CDH20: variants seen among roughly 807,000 people sequenced by gnomAD.
CDH20 encodes cadherin 20, also known as cadherin-20.
In CDH20, 29 loss-of-function variants were observed where a neutral mutation model predicts 74.2. That is an observed-to-expected ratio of 0.39 (90% CI 0.29 to 0.53). CDH20 has a LOEUF of 0.53. CDH20 is among the 20% of genes least tolerant of loss of function. The pLI, the probability that CDH20 is intolerant of heterozygous loss-of-function variation, is 0.69. For synonymous variants in CDH20, 469 were observed against 405.4 expected, an observed-to-expected ratio of 1.16 and a Z score of -1.88; for missense variants, 988 against 1,048.3, an observed-to-expected ratio of 0.94 and a Z score of 0.79.
At chr18:61,436,095 A>C (rs1416174371) in intron 1 of CDH20, among the ~76,000 whole-genome samples, 1 of 152,184 alleles carries the variant, frequency 6.6e-6, no homozygotes, top group Non-Finnish European at 1.5e-5. Flanking sequence ...AGCACATTTT[A>C]GGACTTCATT....
rs745459835 is a variant in CDH20, at chr18:61,435,894, AG to A, written c.-152-54507del. On this transcript the variant is annotated intron_variant, in intron 1 of 11. Transcript: ENST00000262717. ...TTCGGACATTTTCAATACCCCAAAA[AG>A]AAACCCAGCACACATTGACCATCGC... Among the ~76,000 whole-genome samples, 5 of 152,224 alleles carry A rather than the reference AG, an allele frequency of 3.3e-5. No individual in the cohort carries two copies. The East Asian group carries it at 9.7e-4, about 29-fold the overall frequency.
At chr18:61,334,269 C>T (rs1909674670) in intron 1 of CDH20, 1 of 152,124 alleles carries the variant, frequency 6.6e-6, no homozygotes, top group African/African-American at 2.4e-5. Context: ...GTCCCTCGCA[C>T]AGAGATGTGC....
chr18:61,523,581 A>C (rs1912287905), intron 6 of CDH20, among the ~76,000 whole-genome samples: 1 of 152,226 alleles, frequency 6.6e-6, no homozygotes, highest in South Asian at 2.1e-4. Context: ...ATATACCCAA[A>C]GGATTATAAA....
At chr18:61,459,398 G>T (rs1385623658) in intron 1 of CDH20, among the ~76,000 whole-genome samples, 1 of 152,132 alleles carries the variant, frequency 6.6e-6, no homozygotes, top group African/African-American at 2.4e-5. Flanking sequence ...CATCTCGTGG[G>T]GAGAGATTTG....
intron 1 of CDH20, among the ~76,000 whole-genome samples, chr18:61,481,513 GT>G (rs1910588141): frequency 6.6e-6 from 1 of 152,146 alleles, no homozygotes; most frequent in South Asian, 2.1e-4. Flanking sequence ...CTGAAAGCAT[GT>G]ATTAGAAGAC....
intron 1 of CDH20, among the ~76,000 whole-genome samples, chr18:61,482,566 A>G (rs984524880): frequency 6.6e-6 from 1 of 152,234 alleles, no homozygotes; most frequent in African/African-American, 2.4e-5. Context: ...AGATTTATCA[A>G]CATTACTTTG....
chr18:61,465,883 C>G (rs561563718), intron 1 of CDH20, among the ~76,000 whole-genome samples: 6 of 151,740 alleles, frequency 4.0e-5, no homozygotes, highest in African/African-American at 1.5e-4. Context: ...CCTGGAGGAA[C>G]CATGTCTCTA....
chr18:61,398,102 C>A (rs1405705291), intron 1 of CDH20, among the ~76,000 whole-genome samples: 1 of 152,148 alleles, frequency 6.6e-6, no homozygotes, highest in Non-Finnish European at 1.5e-5. Flanking sequence ...TGGCTTTGTA[C>A]CAACTAACTA....
chr18:61,554,902 CT>C lies in CDH20; in HGVS notation c.*210del, dbSNP rs1913578890. 1 of 1,378,886 alleles carries C rather than the reference CT, an allele frequency of 7.3e-7. No homozygotes were observed. The highest frequency in any genetic ancestry group is 9.4e-7 in the Non-Finnish European group (1 of 1,068,194). The allele number at this position is 1,378,886 out of a possible 1,614,324, so 85.4% of individuals were successfully genotyped here. ...AAACCCAGAAGGAAGAGGGCAGAAT[CT>C]TTAATTACCTTTTTTTCTTTTCTTT... On this transcript the variant is annotated 3_prime_UTR_variant, in exon 12 of 12. Coordinates refer to ENST00000262717, the MANE Select transcript of CDH20 (RefSeq NM_031891.4).
Position 61,390,186 on chromosome 18 carries a change from G to A in CDH20, c.-153+56359G>A, listed in dbSNP as rs1363981454. On this transcript the variant is annotated intron_variant, in intron 1 of 11. Transcript: ENST00000262717. ...CCATTCACCATGTATCCCAGTACTC[G>A]AAACAGCACCCAGCATATGCTTAGC... 3.9e-5 allele frequency among the ~76,000 whole-genome samples: 6 copies of A among 152,040 alleles called. No individual in the cohort carries two copies. In the South Asian group the frequency reaches 8.3e-4, roughly 21 times the overall value.
At chr18:61,457,787 TAAAAC>T (rs1274962059) in intron 1 of CDH20, among the ~76,000 whole-genome samples, 1 of 152,162 alleles carries the variant, frequency 6.6e-6, no homozygotes, top group East Asian at 1.9e-4. Context: ...AACCAAAACT[TAAAAC>T]AGAGAAAGCT....
At chr18:61,536,420 C>A in intron 7 of CDH20, 73 bp from the exon 8 acceptor site, 1 of 1,210,540 alleles carries the variant, frequency 8.3e-7, no homozygotes, top group Non-Finnish European at 1.2e-6. Context: ...GGTAGGCACT[C>A]AGTTGTCTCA....
chr18:61,478,783 G>T (rs932985989), intron 1 of CDH20, among the ~76,000 whole-genome samples: 5 of 152,040 alleles, frequency 3.3e-5, no homozygotes, highest in African/African-American at 1.2e-4. Context: ...TAAAGAACGG[G>T]GGAAGTAAGA....
At chr18:61,487,433 G>T (rs930843110) in intron 1 of CDH20, among the ~76,000 whole-genome samples, 35 of 152,218 alleles carry the variant, frequency 2.3e-4, no homozygotes, top group African/African-American at 8.2e-4. Context: ...GTTAGGCAGG[G>T]AGTCTTTTTC....
At chr18:61,473,408 A>T (rs1159065846) in intron 1 of CDH20, among the ~76,000 whole-genome samples, 1 of 152,242 alleles carries the variant, frequency 6.6e-6, no homozygotes, top group Non-Finnish European at 1.5e-5. Flanking sequence ...GGATTAAAGC[A>T]TGTGGCTTGG....
At position 61,496,999 on chromosome 18, in the gene CDH20, G is replaced by A. The variant is rs149153473; in HGVS notation, c.247-2187G>A. 8.5e-3 allele frequency among the ~76,000 whole-genome samples: 1,290 copies of A among 151,048 alleles called. 24 individuals carry two copies. Among genetic ancestry groups the A allele is most frequent in the African/African-American group, 0.029 (1,194 of 41,150 alleles). ...ATGGAATAGATTTTCATTTGTTTGT[G>A]CCCAGGTCCAAATGAAATGCCTTTC... On this transcript the variant is annotated intron_variant, in intron 2 of 11. Coordinates refer to ENST00000262717, the MANE Select transcript of CDH20 (RefSeq NM_031891.4).
chr18:61,458,809 CA>C (rs1183788823), intron 1 of CDH20, among the ~76,000 whole-genome samples: 1 of 152,200 alleles, frequency 6.6e-6, no homozygotes, highest in African/African-American at 2.4e-5. Flanking sequence ...GTAAATCTTC[CA>C]AATTTAAGTA....
intron 1 of CDH20, chr18:61,404,799 T>TTTTTTTTTTTTAAC: frequency 7.5e-5 from 1 of 13,370 alleles, no homozygotes; most frequent in Non-Finnish European, 1.3e-4. Flanking sequence ...ATTGTCAACT[T>TTTTTTTTTTTTAAC]TTTTTTTTTT....
intron 1 of CDH20, among the ~76,000 whole-genome samples, chr18:61,442,380 A>AAC (rs1472732861): frequency 6.6e-6 from 1 of 151,016 alleles, no homozygotes; most frequent in African/African-American, 2.4e-5. Flanking sequence ...GAAAAAAAAA[A>AAC]AAAACAGAAG....
Sources: gnomAD v4.1 joint callset for allele counts (sites outside exome capture counted in the v4.1 genomes callset) on GRCh38, gnomAD v4.1.1 for gene constraint, MANE v1.5 for transcripts, NCBI Gene and HGNC (gene_info 2026-07-23, HGNC 2026-07-21) for gene names.